The following RPH3AL variants were observed in gnomAD, a reference collection of about 807,000 sequenced individuals.
RPH3AL encodes the protein rabphilin 3A like (without C2 domains), also known as rab effector Noc2.
In RPH3AL, 38 loss-of-function variants were observed where a neutral mutation model predicts 43.1. The observed-to-expected ratio is 0.88, with a 90% CI of 0.68 to 1.15. RPH3AL has a LOEUF of 1.15. Among genes scored for constraint, RPH3AL ranks in the 50% most tolerant of loss-of-function variants. The pLI is 0.00. For synonymous variants in RPH3AL, 189 were observed against 176.3 expected, an observed-to-expected ratio of 1.07 and a Z score of -0.57; for missense variants, 462 against 423.2, an observed-to-expected ratio of 1.09 and a Z score of -0.81.
Position 274,982 on chromosome 17 carries a change from C to G in RPH3AL, c.438+6786G>C, listed in dbSNP as rs950523180. On this transcript the variant is annotated intron_variant, in intron 6 of 9. Coordinates refer to ENST00000331302, the MANE Select transcript of RPH3AL (RefSeq NM_006987.4). This position sits in a 1 kb window ranked among gnomAD's most constrained non-coding sequence, Gnocchi z 4.7. ...GTGGAGAACAGAATCGAAACTTACA[C>G]CGGAGGGGAAAGAGCAGACGTGGTC... Among the ~76,000 whole-genome samples, 1 of 152,110 alleles carries G rather than the reference C, an allele frequency of 6.6e-6. No homozygotes were observed. The highest frequency in any genetic ancestry group is 6.5e-5 in the Admixed American group (1 of 15,280).
At chr17:304,923 CACAGGGCGAGAGGGGG>C (rs1176108500) in intron 5 of RPH3AL, among the ~76,000 whole-genome samples, 88 of 94,636 alleles carry the variant, frequency 9.3e-4, no homozygotes, top group East Asian at 7.3e-3. Flanking sequence ...GCAAGAGAGG[CACAGGGCGAGAGGGGG>C]ACAGGGCGAG....
At chr17:301,318 T>A (rs79831339) in intron 5 of RPH3AL, among the ~76,000 whole-genome samples, 2 of 152,262 alleles carry the variant, frequency 1.3e-5, no homozygotes, top group Non-Finnish European at 2.9e-5. Flanking sequence ...GGCTTTTTTT[T>A]CTTGAGACAG....
At chr17:243,066 A>G (rs1327484269) in intron 7 of RPH3AL, among the ~76,000 whole-genome samples, 1 of 113,956 alleles carries the variant, frequency 8.8e-6, no homozygotes, top group Admixed American at 8.1e-5. Flanking sequence ...CCCTTCCTCT[A>G]TTGATTACCT....
At chr17:230,436 T>C (rs1168805881) in intron 7 of RPH3AL, among the ~76,000 whole-genome samples, 1 of 152,018 alleles carries the variant, frequency 6.6e-6, no homozygotes, top group African/African-American at 2.4e-5. Context: ...GGGCACTCAG[T>C]AAGGGCTTCC....
At chr17:331,685 A>G in intron 2 of RPH3AL, 1 of 1,287,746 alleles carries the variant, frequency 7.8e-7, no homozygotes, top group South Asian at 1.2e-5. Context: ...GGGCCTCATC[A>G]GCCGACCCCC....
At chr17:257,607 G>C (rs868952177) in intron 6 of RPH3AL, among the ~76,000 whole-genome samples, 7 of 34,718 alleles carry the variant, frequency 2.0e-4, no homozygotes, top group Admixed American at 7.2e-4. Context: ...CACGGCGTCT[G>C]TCCTTTTCCA....
In RPH3AL at chr17:340,554, A is replaced by G. The variant is rs1269696730; in HGVS notation, c.-212-6620T>C. Among the ~76,000 whole-genome samples, 3 of 638 alleles carry G rather than the reference A, an allele frequency of 4.7e-3. 1 individual carries two copies. Among genetic ancestry groups the G allele is most frequent in the Admixed American group, 0.016 (1 of 64 alleles). The allele number at this position is 638 out of a possible 152,430, so 0.4% of individuals were successfully genotyped here. ...CCCACGTCCACACTCACTGCCCCCC[A>G]CCCAGGCCTCCCCACATCCACACTC... On this transcript the variant is annotated intron_variant, in intron 1 of 9. Coordinates refer to ENST00000331302, the MANE Select transcript of RPH3AL (RefSeq NM_006987.4).
chr17:232,127 G>T (rs576073092), intron 7 of RPH3AL, among the ~76,000 whole-genome samples: 1 of 152,324 alleles, frequency 6.6e-6, no homozygotes, highest in South Asian at 2.1e-4. Flanking sequence ...CGCCAAGCAA[G>T]ACGTGGCCGG....
rs1031455859 is a variant in RPH3AL, at chr17:225,655, G to A, written c.614-5919C>T. The stretch of plus-strand genomic sequence containing the variant: ...AGTCCTGCGGAGGGTGGGGTGGCTC[G>A]TCTGCACACCGGTTTCCGCCTCTCT... On this transcript the variant is annotated intron_variant, in intron 7 of 9. Transcript: ENST00000331302. The surrounding 1 kb of genome is among the most constrained non-coding windows in gnomAD (Gnocchi z 4.4). Among the ~76,000 whole-genome samples, 4 of 152,302 alleles carry A rather than the reference G, an allele frequency of 2.6e-5. No individual in the cohort carries two copies. The highest frequency in any genetic ancestry group is 1.3e-4 in the Admixed American group (2 of 15,298).
chr17:286,138 G>A (rs990345431), intron 5 of RPH3AL, among the ~76,000 whole-genome samples: 1 of 152,234 alleles, frequency 6.6e-6, no homozygotes, highest in Admixed American at 6.5e-5. Context: ...GGGGCAGGGA[G>A]AGAAGCCAGG....
rs115430220 is a variant in RPH3AL at position 250,713 on chromosome 17, G to T, written c.439-3428C>A. ...CTCCGCCACTGCGGGACCTCTCAGA[G>T]CCTTTACTAAGCTTCATCCCTGTGG... On this transcript the variant is annotated intron_variant, in intron 6 of 9. Transcript: ENST00000331302. 9.0e-3 allele frequency among the ~76,000 whole-genome samples: 1,340 copies of T among 148,180 alleles called. 15 individuals carry two copies. Among genetic ancestry groups the T allele is most frequent in the African/African-American group, 0.033 (1,256 of 38,286 alleles).
At chr17:315,164 CCCCCACCTCCATTCACCTGTAGTCCCT>C (rs2043919694) in intron 5 of RPH3AL, among the ~76,000 whole-genome samples, 1 of 4,332 alleles carries the variant, frequency 2.3e-4, no homozygotes, top group African/African-American at 7.0e-4. Context: ...AGTCCCTGTG[CCCCCACCTCCATTCACCTGTAGTCCCT>C]GTGCTCCACC....
In RPH3AL at chr17:317,976, C is replaced by T. The variant is rs1728918623; in HGVS notation, c.351+1444G>A. 2.6e-5 allele frequency among the ~76,000 whole-genome samples: 3 copies of T among 115,424 alleles called. No individual in the cohort carries two copies. In the Admixed American group the frequency reaches 3.7e-4, roughly 14 times the overall value. The allele number at this position is 115,424 out of a possible 152,430, so 75.7% of individuals were successfully genotyped here. A position where few individuals can be genotyped will look rare whatever the true frequency, so the allele number is the denominator to read the frequency against. The stretch of plus-strand genomic sequence containing the variant: ...TGTTTCTTCCCAGGGTTTATTATTT[C>T]CTGACATCATCTTGTTTATTTGATC... On this transcript the variant is annotated intron_variant, in intron 5 of 9. Transcript: ENST00000331302.
rs545029900 is a variant in RPH3AL, at chr17:323,663, A to G, written c.78-2248T>C. ...AAGGAAGGGTCCCAGGAACACACAG[A>G]AGGAGGGACAGAAGCATCAGCACCG... is the stretch of plus-strand genomic sequence containing the variant. On this transcript the variant is annotated intron_variant, in intron 3 of 9. Coordinates refer to ENST00000331302, the MANE Select transcript of RPH3AL (RefSeq NM_006987.4). This position sits in a 1 kb window ranked among gnomAD's most constrained non-coding sequence, Gnocchi z 4.4. 6.6e-6 allele frequency among the ~76,000 whole-genome samples: 1 copy of G among 152,246 alleles called. No individual in the cohort carries two copies. Among genetic ancestry groups the G allele is most frequent in the African/African-American group, 2.4e-5 (1 of 41,528 alleles).
At chr17:251,435 C>T (rs1324233758) in intron 6 of RPH3AL, among the ~76,000 whole-genome samples, 1 of 152,236 alleles carries the variant, frequency 6.6e-6, no homozygotes, top group East Asian at 1.9e-4. Flanking sequence ...ACAAGTTCAG[C>T]AATTTCCCCA....
chr17:334,944 G>A (rs901363102), intron 1 of RPH3AL, among the ~76,000 whole-genome samples: 4 of 152,210 alleles, frequency 2.6e-5, no homozygotes, highest in Non-Finnish European at 5.9e-5. Context: ...GGCTGTGATC[G>A]CTCCCCACCT....
intron 6 of RPH3AL, among the ~76,000 whole-genome samples, chr17:273,032 A>G (rs1294468409): frequency 1.6e-4 from 17 of 104,764 alleles, no homozygotes; most frequent in African/African-American, 4.0e-4. Flanking sequence ...AAGAGACCCC[A>G]GCGAGGGCGA....
chr17:297,201 C>T (rs1307475928), intron 5 of RPH3AL, among the ~76,000 whole-genome samples: 1 of 152,252 alleles, frequency 6.6e-6, no homozygotes. Context: ...TCCAACAGCC[C>T]CTCGCCTATC....
chr17:329,368 G>C (rs4570931), intron 2 of RPH3AL, among the ~76,000 whole-genome samples: 63,632 of 151,946 alleles, frequency 0.42, 14,404 homozygotes, highest in African/African-American at 0.6. Context: ...CCCAGCTACT[G>C]AGGAGGCTGA....
Sources: gnomAD v4.1 joint callset for allele counts (sites outside exome capture counted in the v4.1 genomes callset) on GRCh38, gnomAD v4.1.1 for gene constraint, Gnocchi (gnomAD v3.1) non-coding constraint, MANE v1.5 for transcripts, NCBI Gene and HGNC (gene_info 2026-07-23, HGNC 2026-07-21) for gene names.